SLC9D1: variants seen among roughly 807,000 people sequenced by gnomAD.
The protein encoded by SLC9D1 is putative LAG1-interacting protein.
the SLC9D1 span, chr13:113,547,068 G>T: frequency 1.1e-5 from 6 of 529,026 alleles, no homozygotes; most frequent in Non-Finnish European, 1.7e-5. Context: ...TGCAGGGAGT[G>T]GAGCTGGGAT....
the SLC9D1 span, among the ~76,000 whole-genome samples, chr13:113,544,579 A>G: frequency 6.6e-6 from 1 of 152,244 alleles, no homozygotes; most frequent in African/African-American, 2.4e-5. Context: ...AGCTCGGGCC[A>G]TCAACAAAAT....
the SLC9D1 span, among the ~76,000 whole-genome samples, chr13:113,517,185 G>A: frequency 6.6e-6 from 1 of 152,322 alleles, no homozygotes; most frequent in South Asian, 2.1e-4. Flanking sequence ...GAAAATGCAA[G>A]CGAGGGGAAA....
the SLC9D1 span, chr13:113,495,927 G>A: frequency 5.8e-5 from 94 of 1,614,020 alleles, no homozygotes; most frequent in Admixed American, 8.3e-5. Context: ...AGCTGTCTAC[G>A]GACTGCAGAG....
the SLC9D1 span, among the ~76,000 whole-genome samples, chr13:113,533,440 G>A: frequency 3.3e-5 from 5 of 152,236 alleles, no homozygotes; most frequent in Non-Finnish European, 7.3e-5. Context: ...CACCAGAATT[G>A]TGGCCTGAGT....
the SLC9D1 span, chr13:113,547,228 A>T: frequency 8.9e-7 from 1 of 1,119,376 alleles, no homozygotes; most frequent in Non-Finnish European, 1.4e-6. Context: ...TGACACACTG[A>T]AGTTGTGAGA....
chr13:113,547,445 T>C, the SLC9D1 span: 1 of 1,295,494 alleles, frequency 7.7e-7, no homozygotes, highest in Admixed American at 1.7e-5. Context: ...CCTGTGGCCC[T>C]GGTTTCCAGT....
chr13:113,493,034 A>G, the SLC9D1 span, among the ~76,000 whole-genome samples: 1 of 152,246 alleles, frequency 6.6e-6, no homozygotes, highest in African/African-American at 2.4e-5. Context: ...TTTGGAGGCA[A>G]GTTTGAAGAT....
the SLC9D1 span, among the ~76,000 whole-genome samples, chr13:113,497,798 T>C: frequency 6.6e-6 from 1 of 152,234 alleles, no homozygotes; most frequent in African/African-American, 2.4e-5. Flanking sequence ...TAAGAATAAA[T>C]GTTTAAAAGT....
the SLC9D1 span, among the ~76,000 whole-genome samples, chr13:113,539,735 T>C: frequency 6.6e-6 from 1 of 152,186 alleles, no homozygotes; most frequent in South Asian, 2.1e-4. The surrounding 1 kb of genome is among the most constrained non-coding windows in gnomAD (Gnocchi z 4.8). Flanking sequence ...CAGCTTTTCC[T>C]TTAGGCTCAG....
At chr13:113,521,620 C>T in the SLC9D1 span, among the ~76,000 whole-genome samples, 735 of 152,244 alleles carry the variant, frequency 4.8e-3, 4 homozygotes, top group Admixed American at 8.7e-3. Flanking sequence ...ATTACCACTT[C>T]CCCGATCCTT....
chr13:113,500,248 TCTAG>T, the SLC9D1 span: 2 of 674,928 alleles, frequency 3.0e-6, no homozygotes, highest in Non-Finnish European at 2.2e-6. Context: ...CAGCCTTCCT[TCTAG>T]CAGAGATTTT....
the SLC9D1 span, among the ~76,000 whole-genome samples, chr13:113,540,480 A>G: frequency 6.6e-6 from 1 of 152,170 alleles, no homozygotes; most frequent in African/African-American, 2.4e-5. Flanking sequence ...CGTTTCTCTA[A>G]TGACCAGTGA....
At chr13:113,549,644 A>C in the SLC9D1 span, 27 of 1,317,572 alleles carry the variant, frequency 2.0e-5, no homozygotes, top group African/African-American at 4.3e-5. Flanking sequence ...GCAACAGAAC[A>C]GCCCTCTAGC....
the SLC9D1 span, among the ~76,000 whole-genome samples, chr13:113,498,934 T>C: frequency 6.6e-6 from 1 of 152,160 alleles, no homozygotes; most frequent in Non-Finnish European, 1.5e-5. Flanking sequence ...AGCAAGTTTA[T>C]TAAGAAAGTA....
the SLC9D1 span, chr13:113,501,746 C>T: frequency 6.2e-7 from 1 of 1,606,434 alleles, no homozygotes. Flanking sequence ...TTATTTTATT[C>T]TTCAGGACAT....
chr13:113,516,274 C>T, the SLC9D1 span, among the ~76,000 whole-genome samples: 1 of 151,992 alleles, frequency 6.6e-6, no homozygotes. Context: ...ATTAGAAATT[C>T]CTATATATGT....
the SLC9D1 span, among the ~76,000 whole-genome samples, chr13:113,499,632 A>G: frequency 2.6e-5 from 4 of 152,222 alleles, no homozygotes; most frequent in African/African-American, 4.8e-5. Flanking sequence ...ACAAATCAGA[A>G]TAAGATTAGA....
At chr13:113,520,823 C>G in the SLC9D1 span, 2 of 981,824 alleles carry the variant, frequency 2.0e-6, no homozygotes, top group African/African-American at 3.2e-5. Context: ...AAGAGATGTT[C>G]TGAGCTCAGA....
chr13:113,545,076 C>T, the SLC9D1 span, among the ~76,000 whole-genome samples: 10 of 152,244 alleles, frequency 6.6e-5, no homozygotes, highest in African/African-American at 2.2e-4. Flanking sequence ...TGGGACAGTG[C>T]TGGGAGCTGC....
Sources: gnomAD v4.1 joint callset for allele counts (sites outside exome capture counted in the v4.1 genomes callset) on GRCh38, gnomAD v4.1.1 for gene constraint, Gnocchi (gnomAD v3.1) non-coding constraint, MANE v1.5 for transcripts, NCBI Gene and HGNC (gene_info 2026-07-23, HGNC 2026-07-21) for gene names.